RIMS3: variants seen among roughly 807,000 people sequenced by gnomAD.
RIMS3 encodes regulating synaptic membrane exocytosis protein 3.
Under a neutral mutation model 29.2 loss-of-function variants are expected in RIMS3, and 15 were observed. The observed-to-expected ratio is 0.51, with a 90% CI of 0.34 to 0.79. The LOEUF is 0.79. RIMS3 is among the 30% of genes least tolerant of loss of function. The pLI is 0.01. For synonymous variants in RIMS3, 161 were observed against 170.1 expected (o/e 0.95, Z 0.41); for missense variants, 342 against 421.4 (o/e 0.81, Z 1.65).
chr1:40,680,682 T>C, the RIMS3 span, among the ~76,000 whole-genome samples: 1 of 152,288 alleles, frequency 6.6e-6, no homozygotes, highest in South Asian at 2.1e-4. Flanking sequence ...GTGTATATGA[T>C]TGAAACAAAA....
intron 7 of RIMS3, among the ~76,000 whole-genome samples, chr1:40,627,294 T>C (rs558241990): frequency 3.4e-4 from 52 of 152,236 alleles, no homozygotes; most frequent in African/African-American, 1.2e-3. Flanking sequence ...AGTGGCGCAA[T>C]CTCAGCTCAC....
At chr1:40,627,192 C>T (rs1327812972) in intron 7 of RIMS3, among the ~76,000 whole-genome samples, 1 of 152,180 alleles carries the variant, frequency 6.6e-6, no homozygotes, top group Non-Finnish European at 1.5e-5. Flanking sequence ...CTTGTGTAAG[C>T]TCCATGCCCT....
chr1:40,662,003 G>A (rs1470634883), intron 1 of RIMS3, among the ~76,000 whole-genome samples: 1 of 152,198 alleles, frequency 6.6e-6, no homozygotes, highest in African/African-American at 2.4e-5. Flanking sequence ...CCCTGGGACC[G>A]AGGCTGCTGC....
rs549139738 is a variant in RIMS3 at position 40,664,026 on chromosome 1, G to A, written c.-207+1368C>T. ...AATATCACACAGCCAGAAAGTGGCA[G>A]AGCTTGGGTTTGAAGCCAAGTTTAA... On this transcript the variant is annotated intron_variant, in intron 1 of 7. Coordinates refer to ENST00000372684, the MANE Select transcript of RIMS3 (RefSeq NM_014747.3). Among the ~76,000 whole-genome samples, 5 of 152,366 alleles carry A rather than the reference G, an allele frequency of 3.3e-5. No individual in the cohort carries two copies. In the East Asian group the frequency reaches 9.6e-4, roughly 29 times the overall value.
chr1:40,677,277 T>A, the RIMS3 span, among the ~76,000 whole-genome samples: 1 of 150,384 alleles, frequency 6.6e-6, no homozygotes, highest in Non-Finnish European at 1.5e-5. Flanking sequence ...AGTGCTGGGA[T>A]TACAGGTGTG....
intron 1 of RIMS3, among the ~76,000 whole-genome samples, chr1:40,656,682 C>G (rs1343818584): frequency 2.7e-5 from 4 of 150,726 alleles, no homozygotes; most frequent in African/African-American, 9.8e-5. Flanking sequence ...ACTCGGGAAG[C>G]TGTGGCAGGA....
Position 40,625,113 on chromosome 1 carries a change from T to A in RIMS3, c.*1404A>T, listed in dbSNP as rs1186896204. 6.6e-6 allele frequency: 1 copy of A among 152,356 alleles called. No individual in the cohort carries two copies. Among genetic ancestry groups the A allele is most frequent in the Admixed American group, 6.5e-5 (1 of 15,270 alleles). The allele number at this position is 152,356 out of a possible 1,614,324, so 9.4% of individuals were successfully genotyped here. ...ACTTCAGGATTCCCACGGGACAGAT[T>A]TCACAGGGTCCAGTTCAGGCACTGG... On this transcript the variant is annotated 3_prime_UTR_variant, in exon 8 of 8. Coordinates refer to ENST00000372684, the MANE Select transcript of RIMS3 (RefSeq NM_014747.3).
the RIMS3 span, among the ~76,000 whole-genome samples, chr1:40,685,668 C>T: frequency 3.3e-5 from 5 of 152,020 alleles, no homozygotes; most frequent in South Asian, 2.1e-4. Context: ...AGTAAGACCT[C>T]GGAGTAAAGG....
the RIMS3 span, among the ~76,000 whole-genome samples, chr1:40,672,787 G>A: frequency 6.6e-6 from 1 of 151,010 alleles, no homozygotes; most frequent in East Asian, 1.9e-4. Flanking sequence ...GACTGCTTGA[G>A]TCCAGGAGTT....
upstream of RIMS3, among the ~76,000 whole-genome samples, chr1:40,667,635 T>C (rs991883186): frequency 2.6e-5 from 4 of 152,144 alleles, no homozygotes; most frequent in Admixed American, 6.5e-5. Flanking sequence ...TAAGTGTATA[T>C]AGAAGAATAA....
intron 1 of RIMS3, among the ~76,000 whole-genome samples, chr1:40,657,746 C>CAA (rs34448324): frequency 6.7e-4 from 59 of 88,092 alleles, no homozygotes; most frequent in Middle Eastern, 6.2e-3. Flanking sequence ...GACAATGTCT[C>CAA]AAAAAAAAAA....
chr1:40,671,752 CTTTTCTT>C, the RIMS3 span, among the ~76,000 whole-genome samples: 4 of 146,300 alleles, frequency 2.7e-5, no homozygotes, highest in African/African-American at 1.0e-4. Flanking sequence ...CCTTTCCTTT[CTTTTCTT>C]TTTTTTTTTT....
intron 1 of RIMS3, among the ~76,000 whole-genome samples, chr1:40,656,045 T>A (rs1405900081): frequency 1.3e-5 from 2 of 151,746 alleles, no homozygotes; most frequent in Admixed American, 6.6e-5. Context: ...ATCTACAGAC[T>A]CTTGTACTGT....
intron 2 of RIMS3, among the ~76,000 whole-genome samples, chr1:40,645,289 G>A (rs1378184468): frequency 1.3e-5 from 2 of 152,146 alleles, no homozygotes; most frequent in South Asian, 2.1e-4. Context: ...ACTCTGCCAC[G>A]GTGTAGGTCT....
chr1:40,685,832 T>C, the RIMS3 span, among the ~76,000 whole-genome samples: 2 of 151,438 alleles, frequency 1.3e-5, no homozygotes, highest in South Asian at 4.2e-4. Context: ...GGATAAATTC[T>C]ACAACCTTTA....
In RIMS3 at chr1:40,622,755, T is replaced by C. The variant is rs111813299; in HGVS notation, c.*3762A>G. The C allele has an allele frequency of 0.022, 3,370 of 152,706 alleles. 58 individuals are homozygous for C. The highest frequency in any genetic ancestry group is 0.033 in the Non-Finnish European group (2,238 of 68,084). The allele number at this position is 152,706 out of a possible 1,614,324, so 9.5% of individuals were successfully genotyped here. ...ACCAGAGAGACACAAAAGAGGAGCA[T>C]CACTAAAGCCCCATTGCTTTCTGGG... On this transcript the variant is annotated 3_prime_UTR_variant, in exon 8 of 8. Transcript: ENST00000372684.
intron 1 of RIMS3, among the ~76,000 whole-genome samples, chr1:40,656,184 A>G (rs1390320439): frequency 6.6e-6 from 1 of 152,228 alleles, no homozygotes; most frequent in Non-Finnish European, 1.5e-5. Flanking sequence ...AGGTGAGCCA[A>G]GAACAGGCCT....
At chr1:40,672,478 G>C in the RIMS3 span, among the ~76,000 whole-genome samples, 1 of 151,562 alleles carries the variant, frequency 6.6e-6, no homozygotes, top group Non-Finnish European at 1.5e-5. Context: ...GATTACAGGC[G>C]TGAGCCACCG....
the RIMS3 span, among the ~76,000 whole-genome samples, chr1:40,684,463 G>A: frequency 6.6e-6 from 1 of 152,178 alleles, no homozygotes; most frequent in Non-Finnish European, 1.5e-5. Context: ...TTTGGGTGAT[G>A]TGCCCATCTC....
Sources: gnomAD v4.1 joint callset for allele counts (sites outside exome capture counted in the v4.1 genomes callset) on GRCh38, gnomAD v4.1.1 for gene constraint, MANE v1.5 for transcripts, NCBI Gene and HGNC (gene_info 2026-07-23, HGNC 2026-07-21) for gene names.